The following PCLO variants were observed in gnomAD, a reference collection of about 807,000 sequenced individuals.
PCLO encodes piccolo presynaptic cytomatrix protein.
A neutral mutation model predicts 427.5 loss-of-function variants in PCLO; 82 were observed. The ratio of observed to expected loss-of-function variants is 0.19; its 90% confidence interval spans 0.16 to 0.23. The LOEUF (loss-of-function observed/expected upper bound fraction) is 0.23. Among genes scored for constraint, PCLO ranks in the 10% least tolerant of loss-of-function variants. PCLO has a pLI of 1.00. For missense variants in PCLO, 6,239 were observed against 6,115.9 expected (o/e 1.02, Z -0.67); for synonymous variants, 2,357 against 2,155.4 (o/e 1.09, Z -2.59).
At position 83,156,383 on chromosome 7, in the gene PCLO, C is replaced by T. The variant is rs779196024; in HGVS notation, c.258G>A (p.Glu86=). 2.7e-5 allele frequency: 40 copies of T among 1,503,466 alleles called. No homozygotes were observed. The highest frequency in any genetic ancestry group is 3.6e-5 in the Non-Finnish European group (40 of 1,110,636). The allele number at this position is 1,503,466 out of a possible 1,614,324, so 93.1% of individuals were successfully genotyped here. The change falls in exon 2 of 25, where the codon GAG becomes GAA. Residue 86 remains glutamate, a synonymous_variant. Transcript: ENST00000333891. ...AESPSMHRKQ[E]LDSSHPPKQS... is the part of the protein sequence containing the mutation. ...GCTTTGGAGGATGACTACTATCCAA[C>T]TCTTGTTTCCTAGAAGAGTTAAAAA...
chr7:82,985,338 G>A (rs1583872591), intron 3 of PCLO, among the ~76,000 whole-genome samples: 1 of 152,112 alleles, frequency 6.6e-6, no homozygotes, highest in South Asian at 2.1e-4. Flanking sequence ...AAACTGCCAT[G>A]GTATTTATTT....
rs1792466762 is a variant in PCLO at position 83,162,441 on chromosome 7, T to C, written c.152A>G (p.Glu51Gly). Residue 51 changes from glutamate to glycine, a missense_variant, in exon 1 of 25, where the codon GAG becomes GGG. Coordinates refer to ENST00000333891, the MANE Select transcript of PCLO (RefSeq NM_033026.6). ...MEADLSQLSE[E>G]ERRQIAAVMS... Reference sequence around the variant, plus strand: ...GACAGCGGCGATCTGTCTCCTCTCCTCTTCGCTCAGCTGGCTCAAATCCGC... The same window carrying C: ...GACAGCGGCGATCTGTCTCCTCTCCCCTTCGCTCAGCTGGCTCAAATCCGC... 6.3e-7 allele frequency: 1 copy of C among 1,595,994 alleles called. No individual in the cohort carries two copies. Among genetic ancestry groups the C allele is most frequent in the South Asian group, 1.1e-5 (1 of 88,064 alleles).
intron 1 of PCLO, among the ~76,000 whole-genome samples, chr7:83,158,950 T>C (rs2116702824): frequency 6.6e-6 from 1 of 152,168 alleles, no homozygotes; most frequent in South Asian, 2.1e-4. Context: ...GGTGAAATTT[T>C]GTTAGGCATA....
rs780804966 is a variant in PCLO at position 82,951,877 on chromosome 7, T to C, written c.9076A>G (p.Thr3026Ala). 13 of 1,613,046 alleles carry C rather than the reference T, an allele frequency of 8.1e-6. No individual in the cohort carries two copies. In the South Asian group the frequency reaches 8.8e-5, roughly 11 times the overall value. Residue 3026 changes from threonine (T) to alanine (A), a missense_variant, in exon 5 of 25, where the codon ACT (threonine) becomes GCT (alanine). This residue lies in a region of PCLO where 4,677 missense variants were observed against 4,468.4 expected (regional missense o/e 1.05). Coordinates refer to ENST00000333891, the MANE Select transcript of PCLO (RefSeq NM_033026.6). ...TGACCTGTAGTAACTCTCCCTGAAG[T>C]CAGATCTACTGCTGTGTCAGTTCCT... is the stretch of plus-strand genomic sequence containing the variant. ...SEGTDTAVDL[T>A]SGRVTTGEVM...
At chr7:82,824,083 C>T (rs957000657) in intron 19 of PCLO, among the ~76,000 whole-genome samples, 153 bp downstream of exon 19, 1 of 152,120 alleles carries the variant, frequency 6.6e-6, no homozygotes, top group African/African-American at 2.4e-5. Context: ...GCCCATTTCT[C>T]CTGATTCCAC....
chr7:83,014,948 C>T (rs1482325574), intron 3 of PCLO, among the ~76,000 whole-genome samples: 5 of 152,118 alleles, frequency 3.3e-5, no homozygotes, highest in Middle Eastern at 3.2e-3. Context: ...TGAGCAATTA[C>T]TATGCGCCAG....
chr7:83,108,374 A>T (rs180762249), intron 3 of PCLO, among the ~76,000 whole-genome samples: 73 of 152,254 alleles, frequency 4.8e-4, no homozygotes, highest in Non-Finnish European at 8.7e-4. Flanking sequence ...CTACTTACTT[A>T]TCTATCTGTA....
chr7:82,915,836 G>A lies in PCLO; in HGVS notation c.12150C>T (p.Asp4050=), dbSNP rs368012865. The part of the protein sequence containing the change: ...HHTPRNYVLI[D]DIGEITKGTA... The stretch of plus-strand genomic sequence containing the variant: ...TTCCTTTGGTGATCTCTCCAATGTC[G>A]TCAATTAGGACATAATTTCGTGGAG... The change falls in exon 7 of 25, where the codon GAC becomes GAT. Residue 4050 remains aspartate, a synonymous_variant. Transcript: ENST00000333891. 18 of 1,613,270 alleles carry A rather than the reference G, an allele frequency of 1.1e-5. No individual in the cohort carries two copies. Among genetic ancestry groups the A allele is most frequent in the African/African-American group, 5.3e-5 (4 of 74,892 alleles).
At chr7:82,866,895 AG>A (rs751319599) in intron 10 of PCLO, among the ~76,000 whole-genome samples, 1 of 152,146 alleles carries the variant, frequency 6.6e-6, no homozygotes, top group Non-Finnish European at 1.5e-5. Flanking sequence ...AGGAGCTTAT[AG>A]TCTGCTCTTA....
At position 82,955,217 on chromosome 7, in the gene PCLO, T is replaced by G. The variant is rs1562882071; in HGVS notation, c.5736A>C (p.Lys1912Asn). 1 of 1,613,834 alleles carries G rather than the reference T, an allele frequency of 6.2e-7. No individual in the cohort carries two copies. The highest frequency in any genetic ancestry group is 1.7e-5 in the Admixed American group (1 of 60,004). ...MQKEGSQKAL[K>N]SAEEMYEEMM... Reference sequence around the variant, plus strand: ...TTTCTTCATACATCTCCTCAGCACTTTTTAACGCCTTTTGGCTACCTTCTT... The same window carrying G: ...TTTCTTCATACATCTCCTCAGCACTGTTTAACGCCTTTTGGCTACCTTCTT... Residue 1912 changes from lysine to asparagine, a missense_variant, in exon 5 of 25, where the codon AAA becomes AAC. Lys to Asn is a moderately conservative substitution (Grantham distance 94). This residue lies in a region of PCLO where 4,677 missense variants were observed against 4,468.4 expected (regional missense o/e 1.05). Coordinates refer to ENST00000333891, the MANE Select transcript of PCLO (RefSeq NM_033026.6).
chr7:82,949,127 A>C (rs866914686), intron 6 of PCLO, among the ~76,000 whole-genome samples: 2 of 152,312 alleles, frequency 1.3e-5, no homozygotes, highest in Middle Eastern at 3.4e-3. Flanking sequence ...TCACAGCTAC[A>C]GTTGATATTT....
At chr7:82,847,364 A>G (rs1792531240) in intron 10 of PCLO, 117 bp from the exon 11 acceptor site, 7 of 602,974 alleles carry the variant, frequency 1.2e-5, no homozygotes, top group Admixed American at 3.0e-5. Context: ...ATTTTAGAGA[A>G]CATCAGTTCC....
intron 3 of PCLO, among the ~76,000 whole-genome samples, chr7:83,073,764 TA>T (rs1342752351): frequency 6.6e-6 from 1 of 151,580 alleles, no homozygotes; most frequent in Non-Finnish European, 1.5e-5. Flanking sequence ...CTAAAGCTAT[TA>T]AAAACTATTT....
At chr7:83,046,584 T>C (rs1789108442) in intron 3 of PCLO, among the ~76,000 whole-genome samples, 1 of 152,076 alleles carries the variant, frequency 6.6e-6, no homozygotes, top group African/African-American at 2.4e-5. Flanking sequence ...TTTTGGATCT[T>C]AATACTATTT....
At position 83,162,664 on chromosome 7, in the gene PCLO, G is replaced by A; in HGVS notation, c.-72C>T. On this transcript the variant is annotated 5_prime_UTR_variant, in exon 1 of 25. Transcript: ENST00000333891. The stretch of plus-strand genomic sequence containing the variant: ...CCCAGTCGAGAAGCCCGCGGCCAGG[G>A]GAGCAGTCAGAGCCGGGGTCCGCCT... The A allele has an allele frequency of 6.8e-7, 1 of 1,465,224 alleles. No homozygotes were observed. The highest frequency in any genetic ancestry group is 2.4e-5 in the Admixed American group (1 of 41,416). 90.8% of individuals were successfully genotyped at this position (1,465,224 alleles called of 1,614,324 possible). A position where few individuals can be genotyped will look rare whatever the true frequency, so the allele number is the denominator to read the frequency against.
chr7:82,789,809 T>C (rs1791064181), intron 22 of PCLO, among the ~76,000 whole-genome samples: 1 of 152,244 alleles, frequency 6.6e-6, no homozygotes, highest in African/African-American at 2.4e-5. Context: ...ATAGTCAATT[T>C]ATTTCTTCAA....
At chr7:82,922,378 A>AC (rs1413177820) in intron 6 of PCLO, among the ~76,000 whole-genome samples, 1 of 152,104 alleles carries the variant, frequency 6.6e-6, no homozygotes, top group African/African-American at 2.4e-5. Context: ...AAAATGTGGT[A>AC]CATATATACC....
intron 2 of PCLO, among the ~76,000 whole-genome samples, chr7:83,149,199 T>C: frequency 6.6e-6 from 1 of 152,184 alleles, no homozygotes; most frequent in East Asian, 1.9e-4. Context: ...CCAATTGTCC[T>C]TTTGTTCCTA....
At chr7:82,770,803 G>C (rs985280034) in intron 22 of PCLO, among the ~76,000 whole-genome samples, 1 of 151,720 alleles carries the variant, frequency 6.6e-6, no homozygotes, top group African/African-American at 2.4e-5. Context: ...TCCTCGAGTA[G>C]CAAAGCAAGC....
Sources: gnomAD v4.1 joint callset for allele counts (sites outside exome capture counted in the v4.1 genomes callset) on GRCh38, gnomAD v4.1.1 for gene constraint, gnomAD v4.1.1 regional missense constraint, MANE v1.5 for transcripts, NCBI Gene and HGNC (gene_info 2026-07-23, HGNC 2026-07-21) for gene names.